The following ADAM12 variants were observed in gnomAD, a reference collection of about 807,000 sequenced individuals.
The protein encoded by ADAM12 is ADAM metallopeptidase domain 12.
In ADAM12, 70 loss-of-function variants were observed where a neutral mutation model predicts 106.4. That is an observed-to-expected ratio of 0.66 (90% confidence interval 0.54 to 0.80). The LOEUF is 0.80. ADAM12 is among the 30% of genes least tolerant of loss of function. The probability of loss-of-function intolerance (pLI) is 0.00; values close to 1 mark genes in which losing one functional copy is unlikely to be tolerated. For missense variants in ADAM12, 1,010 were observed against 1,171.9 expected, an observed-to-expected ratio of 0.86 and a Z score of 2.02; for synonymous variants, 420 against 433.5, an observed-to-expected ratio of 0.97 and a Z score of 0.39.
chr10:126,104,894 CGTT>C (rs1225514243), intron 8 of ADAM12, among the ~76,000 whole-genome samples: 3 of 152,198 alleles, frequency 2.0e-5, no homozygotes, highest in Non-Finnish European at 4.4e-5. Context: ...CTGGCACAGT[CGTT>C]GTTTTCTGGA....
At chr10:126,348,242 G>C (rs945914866) in intron 1 of ADAM12, among the ~76,000 whole-genome samples, 2 of 152,204 alleles carry the variant, frequency 1.3e-5, no homozygotes, top group Non-Finnish European at 2.9e-5. Flanking sequence ...GGAGCACAGA[G>C]TCTGGTAAAG....
At chr10:126,265,412 T>C (rs1225324724) in intron 3 of ADAM12, among the ~76,000 whole-genome samples, 1 of 152,232 alleles carries the variant, frequency 6.6e-6, no homozygotes, top group Non-Finnish European at 1.5e-5. Context: ...TGATTGTTAA[T>C]GGCCACTGAA....
intron 18 of ADAM12, chr10:126,042,163 T>C (rs1343396210): frequency 6.2e-7 from 1 of 1,613,838 alleles, no homozygotes; most frequent in South Asian, 1.1e-5. Context: ...AGTAGACGCA[T>C]GCTCCTGCGA....
intron 1 of ADAM12, among the ~76,000 whole-genome samples, chr10:126,332,391 T>C (rs945199917): frequency 6.6e-6 from 1 of 152,218 alleles, no homozygotes; most frequent in Non-Finnish European, 1.5e-5. Context: ...CCCTCAGGAC[T>C]TGCATTCTTG....
intron 8 of ADAM12, among the ~76,000 whole-genome samples, chr10:126,104,995 C>T (rs1309799329): frequency 6.6e-6 from 1 of 152,134 alleles, no homozygotes; most frequent in Non-Finnish European, 1.5e-5. Flanking sequence ...GACTTGGAAG[C>T]ACCAAGTCTC....
intron 3 of ADAM12, among the ~76,000 whole-genome samples, chr10:126,178,406 A>ATTTTTTT (rs1426086384): frequency 8.3e-6 from 1 of 120,868 alleles, no homozygotes; most frequent in African/African-American, 3.6e-5. Flanking sequence ...ATTGGAGGAC[A>ATTTTTTT]TCTTTTTTTT....
At chr10:126,302,132 G>A (rs771253907) in intron 2 of ADAM12, among the ~76,000 whole-genome samples, 6 of 152,252 alleles carry the variant, frequency 3.9e-5, no homozygotes, top group South Asian at 4.1e-4. Flanking sequence ...TCAAATAATC[G>A]TTTGGCTTTC....
intron 3 of ADAM12, among the ~76,000 whole-genome samples, chr10:126,203,388 AT>A (rs1324801646): frequency 6.6e-6 from 1 of 152,248 alleles, no homozygotes; most frequent in East Asian, 1.9e-4. Flanking sequence ...TAAGGTAAAT[AT>A]TGCAACAGAC....
intron 3 of ADAM12, among the ~76,000 whole-genome samples, chr10:126,160,155 G>A (rs889180278): frequency 1.3e-5 from 2 of 152,156 alleles, no homozygotes; most frequent in Non-Finnish European, 2.9e-5. Context: ...AGGAACAGGA[G>A]GAAAGCCAGC....
intron 3 of ADAM12, among the ~76,000 whole-genome samples, chr10:126,186,289 A>G (rs1422162964): frequency 6.6e-6 from 1 of 152,194 alleles, no homozygotes; most frequent in Non-Finnish European, 1.5e-5. Context: ...TGAGAGGACC[A>G]TTTAGCCAAT....
chr10:126,139,613 C>T (rs1171829227), intron 4 of ADAM12, among the ~76,000 whole-genome samples: 1 of 150,754 alleles, frequency 6.6e-6, no homozygotes, highest in African/African-American at 2.4e-5. Flanking sequence ...GACTTACCTA[C>T]AGAGGGAAAG....
At chr10:126,019,551 T>C in intron 22 of ADAM12, 144 bp downstream of exon 22, 1 of 1,085,736 alleles carries the variant, frequency 9.2e-7, no homozygotes. Context: ...GTAATTGTCA[T>C]GTCTATTTTA....
At chr10:126,033,437 G>T (rs551663104) in intron 21 of ADAM12, among the ~76,000 whole-genome samples, 13 of 152,172 alleles carry the variant, frequency 8.5e-5, no homozygotes, top group Non-Finnish European at 1.8e-4. Flanking sequence ...AAAGTATGCT[G>T]GCTAGGGATC....
intron 3 of ADAM12, among the ~76,000 whole-genome samples, chr10:126,179,165 C>G (rs1957271072): frequency 6.6e-6 from 1 of 152,166 alleles, no homozygotes; most frequent in Admixed American, 6.5e-5. Context: ...GTGGGAATCT[C>G]CCATCAGCTG....
intron 2 of ADAM12, among the ~76,000 whole-genome samples, chr10:126,285,962 G>T (rs1959835337): frequency 7.6e-6 from 1 of 131,988 alleles, no homozygotes; most frequent in Admixed American, 8.8e-5. Flanking sequence ...TGGCTGATTA[G>T]ATTGATTTCC....
At chr10:126,237,318 G>A (rs544544009) in intron 3 of ADAM12, among the ~76,000 whole-genome samples, 1 of 152,252 alleles carries the variant, frequency 6.6e-6, no homozygotes, top group South Asian at 2.1e-4. Flanking sequence ...TAGGGAAATA[G>A]AGAGGACTTC....
At position 126,278,955 on chromosome 10, in the gene ADAM12, G is replaced by T; in HGVS notation, c.220C>A (p.Arg74=). 2.5e-6 allele frequency: 4 copies of T among 1,612,862 alleles called. No homozygotes were observed. In the South Asian group the frequency reaches 3.3e-5, roughly 13 times the overall value. The change falls in exon 3 of 23, where the codon CGG becomes AGG. Residue 74 remains arginine (R), a synonymous_variant. Coordinates refer to ENST00000448723, the MANE Select transcript of ADAM12 (RefSeq NM_001288973.2). ...TTTATGATCAGTTCTTTGCTTTCCC[G>T]TTGTAGTCGAATATTCAGCACTTCT... ...HPEVLNIRLQ[R]ESKELIINLE...
chr10:126,381,042 T>G (rs774540869), intron 1 of ADAM12, among the ~76,000 whole-genome samples: 2 of 152,234 alleles, frequency 1.3e-5, no homozygotes, highest in Non-Finnish European at 2.9e-5. Flanking sequence ...GTAGCTACAT[T>G]CCTTAAGAAA....
intron 1 of ADAM12, among the ~76,000 whole-genome samples, chr10:126,379,881 G>C (rs557663746): frequency 4.8e-4 from 73 of 152,030 alleles, no homozygotes; most frequent in Non-Finnish European, 9.9e-4. Context: ...GGAATCTTTT[G>C]GCCAAATTGC....
Sources: gnomAD v4.1 joint callset for allele counts (sites outside exome capture counted in the v4.1 genomes callset) on GRCh38, gnomAD v4.1.1 for gene constraint, MANE v1.5 for transcripts, NCBI Gene and HGNC (gene_info 2026-07-23, HGNC 2026-07-21) for gene names.